Variants in ADAMTSL1 observed in about 807,000 individuals in gnomAD.
ADAMTSL1 encodes the protein ADAMTS like 1.
Under a neutral mutation model 201.8 loss-of-function variants are expected in ADAMTSL1, and 126 were observed. That is an observed-to-expected ratio of 0.62 (90% CI 0.54 to 0.72). The LOEUF (loss-of-function observed/expected upper bound fraction) is 0.72, where lower values mean the gene tolerates loss of function less well. Among genes scored for constraint, ADAMTSL1 ranks in the 30% least tolerant of loss-of-function variants. The probability of loss-of-function intolerance (pLI) is 0.00; values close to 1 mark genes in which losing one functional copy is unlikely to be tolerated. For missense variants in ADAMTSL1, 2,679 were observed against 2,277.8 expected, an observed-to-expected ratio of 1.18 and a Z score of -3.59; for synonymous variants, 1,121 against 903.4, an observed-to-expected ratio of 1.24 and a Z score of -4.32.
At chr9:18,887,594 A>G (rs1828980893) in intron 23 of ADAMTSL1, among the ~76,000 whole-genome samples, 1 of 152,196 alleles carries the variant, frequency 6.6e-6, no homozygotes, top group South Asian at 2.1e-4. Context: ...AGAAAGAAAC[A>G]GGTACTTTTG....
intron 1 of ADAMTSL1, among the ~76,000 whole-genome samples, chr9:18,028,207 G>T (rs748134752): frequency 1.6e-4 from 25 of 152,016 alleles, no homozygotes; most frequent in Non-Finnish European, 3.5e-4. Context: ...TTGTTAGCTG[G>T]TTGCTTTGTA....
At chr9:18,492,073 A>G (rs1273804437) in intron 1 of ADAMTSL1, among the ~76,000 whole-genome samples, 2 of 152,218 alleles carry the variant, frequency 1.3e-5, no homozygotes, top group African/African-American at 2.4e-5. Flanking sequence ...ACTCTCATTT[A>G]TTATTGATAA....
chr9:18,086,178 G>T (rs1478993726), intron 1 of ADAMTSL1, among the ~76,000 whole-genome samples: 1 of 152,088 alleles, frequency 6.6e-6, no homozygotes, highest in East Asian at 1.9e-4. Context: ...TCATTTACAT[G>T]AATTTGACTC....
chr9:18,857,041 G>T (rs1282548320), intron 23 of ADAMTSL1, among the ~76,000 whole-genome samples: 2 of 152,172 alleles, frequency 1.3e-5, no homozygotes, highest in Non-Finnish European at 2.9e-5. Flanking sequence ...AGTGGATAGA[G>T]CAGGTTTTTT....
chr9:18,645,011 A>G (rs544436054), intron 7 of ADAMTSL1, among the ~76,000 whole-genome samples: 1 of 152,110 alleles, frequency 6.6e-6, no homozygotes, highest in East Asian at 1.9e-4. Flanking sequence ...CCAACAGTGT[A>G]AAAGTGTTTC....
intron 4 of ADAMTSL1, among the ~76,000 whole-genome samples, chr9:18,587,646 C>A (rs1189966342): frequency 6.6e-6 from 1 of 152,162 alleles, no homozygotes; most frequent in Admixed American, 6.5e-5. Context: ...CCTCCTGCTT[C>A]CCTTACCAGC....
chr9:18,312,633 C>T (rs58983810), intron 2 of ADAMTSL1, among the ~76,000 whole-genome samples: 4,562 of 152,254 alleles, frequency 0.03, 243 homozygotes, highest in African/African-American at 0.1. Flanking sequence ...CACAAAACTT[C>T]TGTACAAAGC....
At chr9:18,699,737 T>A (rs1216114859) in intron 13 of ADAMTSL1, among the ~76,000 whole-genome samples, 1 of 152,244 alleles carries the variant, frequency 6.6e-6, no homozygotes, top group Non-Finnish European at 1.5e-5. Context: ...TATTGGTGGC[T>A]GCTTCAAAAT....
chr9:18,842,542 C>T (rs959818779), intron 23 of ADAMTSL1, among the ~76,000 whole-genome samples: 8 of 152,120 alleles, frequency 5.3e-5, no homozygotes, highest in Non-Finnish European at 8.8e-5. Context: ...GTTCTGTAGA[C>T]ATCTATTAGG....
In ADAMTSL1 at chr9:18,225,594, A is replaced by G. The variant is rs555243110; in HGVS notation, c.207+61613A>G. 1.2e-4 allele frequency among the ~76,000 whole-genome samples: 19 copies of G among 152,302 alleles called. No homozygotes were observed. The South Asian group carries it at 3.7e-3, about 30-fold the overall frequency. The stretch of plus-strand genomic sequence containing the variant: ...AGCAATCCCATCACATTTCTCTAAA[A>G]TATTAAAAAACACTGAACTCTGACT... On this transcript the variant is annotated intron_variant, in intron 2 of 29. Coordinates refer to the ADAMTSL1 transcript ENST00000680146.
chr9:18,424,747 C>A (rs531751293), intron 2 of ADAMTSL1, among the ~76,000 whole-genome samples: 1 of 152,246 alleles, frequency 6.6e-6, no homozygotes, highest in Non-Finnish European at 1.5e-5. Flanking sequence ...CCTACCCAGC[C>A]TCATGTATGA....
chr9:18,108,425 C>A (rs979926002), intron 1 of ADAMTSL1, among the ~76,000 whole-genome samples: 4 of 152,018 alleles, frequency 2.6e-5, no homozygotes, highest in African/African-American at 9.6e-5. Flanking sequence ...GTCTTGAACT[C>A]CTGAGCTCAA....
intron 4 of ADAMTSL1, among the ~76,000 whole-genome samples, chr9:18,593,451 T>G (rs1564075842): frequency 6.6e-6 from 1 of 152,106 alleles, no homozygotes; most frequent in South Asian, 2.1e-4. Context: ...TAATTTGTGT[T>G]TGGTTTGCTC....
At chr9:18,333,285 TG>T (rs1436645159) in intron 2 of ADAMTSL1, among the ~76,000 whole-genome samples, 1 of 152,120 alleles carries the variant, frequency 6.6e-6, no homozygotes, top group Non-Finnish European at 1.5e-5. Flanking sequence ...ATTGAATCAT[TG>T]GGGCAGTTTC....
intron 15 of ADAMTSL1, among the ~76,000 whole-genome samples, chr9:18,748,416 G>A (rs1359456878): frequency 6.6e-6 from 1 of 152,124 alleles, no homozygotes; most frequent in Non-Finnish European, 1.5e-5. Context: ...AACACCCCTA[G>A]CAATTTCTGG....
intron 1 of ADAMTSL1, among the ~76,000 whole-genome samples, chr9:18,494,568 G>C (rs965760716): frequency 1.3e-5 from 2 of 152,146 alleles, no homozygotes; most frequent in Non-Finnish European, 2.9e-5. Flanking sequence ...CTGTGTTACT[G>C]AGAATCATGA....
rs1340000455 is a variant in ADAMTSL1, at chr9:18,777,762, C to G, written c.3533C>G (p.Ala1178Gly). 6.2e-7 allele frequency: 1 copy of G among 1,613,614 alleles called. No individual in the cohort carries two copies. The highest frequency in any genetic ancestry group is 8.5e-7 in the Non-Finnish European group (1 of 1,179,846). ...RKISAAQQLS[A>G]SEVVTHLGQT... The stretch of plus-strand genomic sequence containing the variant: ...ATCTCAGCGGCCCAGCAGCTCTCAG[C>G]CTCGGAGGTGGTCACCCACCTGGGG... The change falls in exon 19 of 29, where the codon GCC (alanine) becomes GGC (glycine). Residue 1178 changes from alanine to glycine, a missense_variant. Transcript: ENST00000380548.
intron 2 of ADAMTSL1, among the ~76,000 whole-genome samples, chr9:18,520,273 G>A (rs1818614493): frequency 6.6e-6 from 1 of 152,184 alleles, no homozygotes; most frequent in African/African-American, 2.4e-5. Flanking sequence ...CAGAGAGGAT[G>A]TTGTCTTAGA....
At chr9:18,734,251 C>T (rs141624463) in intron 15 of ADAMTSL1, among the ~76,000 whole-genome samples, 2 of 152,224 alleles carry the variant, frequency 1.3e-5, no homozygotes, top group East Asian at 1.9e-4. Context: ...GGGTATTTTA[C>T]GTATCTTTGT....
Sources: allele counts gnomAD v4.1 joint callset (sites outside exome capture counted in the v4.1 genomes callset), GRCh38; gene constraint gnomAD v4.1.1; transcripts MANE v1.5; gene names NCBI Gene and HGNC (gene_info 2026-07-23, HGNC 2026-07-21).